TASP1: variants seen among roughly 807,000 people sequenced by gnomAD.
The protein encoded by TASP1 is threonine aspartase 1.
Under a neutral mutation model 56.6 loss-of-function variants are expected in TASP1, and 16 were observed. The ratio of observed to expected loss-of-function variants is 0.28; its 90% CI spans 0.19 to 0.43. The LOEUF is 0.43. Among genes scored for constraint, TASP1 ranks in the 20% least tolerant of loss-of-function variants. The pLI, the probability that TASP1 is intolerant of heterozygous loss-of-function variation, is 1.00. For synonymous variants in TASP1, 179 were observed against 184.2 expected, an observed-to-expected ratio of 0.97 and a Z score of 0.23; for missense variants, 393 against 511.6, an observed-to-expected ratio of 0.77 and a Z score of 2.24.
the TASP1 span, among the ~76,000 whole-genome samples, chr20:13,119,211 C>T: frequency 2.0e-5 from 3 of 152,312 alleles, no homozygotes; most frequent in South Asian, 4.1e-4. Context: ...AAATTTTTAA[C>T]GAAGCATAAC....
intron 10 of TASP1, among the ~76,000 whole-genome samples, chr20:13,492,485 A>G (rs1302393612): frequency 2.6e-5 from 4 of 152,306 alleles, no homozygotes; most frequent in African/African-American, 9.6e-5. Context: ...TTGTGAAATT[A>G]AAGAGAGAGC....
the TASP1 span, among the ~76,000 whole-genome samples, chr20:13,289,426 C>G: frequency 2.0e-5 from 3 of 152,206 alleles, no homozygotes; most frequent in African/African-American, 7.2e-5. Context: ...AGTTAACTGT[C>G]ACTTTATACT....
intron 11 of TASP1, among the ~76,000 whole-genome samples, chr20:13,451,032 T>C (rs973055809): frequency 2.0e-5 from 3 of 152,112 alleles, no homozygotes; most frequent in Non-Finnish European, 4.4e-5. Flanking sequence ...TCCTTGTACA[T>C]CTCCATCAGA....
the TASP1 span, among the ~76,000 whole-genome samples, chr20:13,337,941 C>T: frequency 6.6e-6 from 1 of 152,044 alleles, no homozygotes. Context: ...TTTAAGAAAG[C>T]ATTTGTCCTT....
At chr20:13,355,011 T>C in the TASP1 span, among the ~76,000 whole-genome samples, 2 of 152,224 alleles carry the variant, frequency 1.3e-5, no homozygotes, top group East Asian at 3.9e-4. Context: ...CATAATAATA[T>C]GAAGAGTGAC....
the TASP1 span, among the ~76,000 whole-genome samples, chr20:13,283,503 G>A: frequency 6.6e-6 from 1 of 152,100 alleles, no homozygotes; most frequent in Non-Finnish European, 1.5e-5. Flanking sequence ...AATACATGTA[G>A]GATACAATGG....
chr20:13,611,457 C>G (rs1273776858), intron 4 of TASP1, among the ~76,000 whole-genome samples: 1 of 152,118 alleles, frequency 6.6e-6, no homozygotes. Flanking sequence ...TTTGAAAAGT[C>G]TAGTTTGATT....
At chr20:13,328,912 T>C in the TASP1 span, among the ~76,000 whole-genome samples, 1 of 152,270 alleles carries the variant, frequency 6.6e-6, no homozygotes, top group African/African-American at 2.4e-5. Context: ...CATTTACCTA[T>C]GTAACAAATC....
chr20:13,392,531 A>G (rs957477630), intron 13 of TASP1: 2 of 261,506 alleles, frequency 7.6e-6, no homozygotes, highest in African/African-American at 4.5e-5. Flanking sequence ...ACAGAAGCAT[A>G]CTACTCCGGA....
At chr20:13,320,492 TA>T in the TASP1 span, among the ~76,000 whole-genome samples, 1 of 152,178 alleles carries the variant, frequency 6.6e-6, no homozygotes, top group Non-Finnish European at 1.5e-5. Flanking sequence ...GGACAGATAT[TA>T]GGTGGCTTTA....
At chr20:13,268,334 TCTC>T in the TASP1 span, among the ~76,000 whole-genome samples, 5 of 149,124 alleles carry the variant, frequency 3.4e-5, no homozygotes, top group African/African-American at 7.4e-5. Flanking sequence ...TCTTTCTCCT[TCTC>T]CTTCTTCTTC....
At chr20:13,592,265 C>T (rs952211495) in intron 4 of TASP1, among the ~76,000 whole-genome samples, 14 of 151,714 alleles carry the variant, frequency 9.2e-5, no homozygotes, top group South Asian at 4.2e-4. Flanking sequence ...GGCATGGTGG[C>T]GGGCACCTGT....
the TASP1 span, among the ~76,000 whole-genome samples, chr20:13,254,611 C>T: frequency 3.3e-5 from 5 of 152,134 alleles, no homozygotes; most frequent in African/African-American, 1.2e-4. Flanking sequence ...TTGGTACCTC[C>T]AGCACAGTCT....
chr20:13,263,158 G>A, the TASP1 span, among the ~76,000 whole-genome samples: 2 of 152,100 alleles, frequency 1.3e-5, no homozygotes, highest in Non-Finnish European at 2.9e-5. Flanking sequence ...TATAAAATAC[G>A]GCCATTGACA....
At chr20:13,307,894 T>C in the TASP1 span, among the ~76,000 whole-genome samples, 1 of 152,226 alleles carries the variant, frequency 6.6e-6, no homozygotes, top group Admixed American at 6.5e-5. Flanking sequence ...CTATGGACAG[T>C]CCAGGGTGTG....
At chr20:13,119,085 A>C in the TASP1 span, among the ~76,000 whole-genome samples, 1 of 152,322 alleles carries the variant, frequency 6.6e-6, no homozygotes, top group East Asian at 1.9e-4. Context: ...TTCCCTTCCT[A>C]GACTGTCGAA....
the TASP1 span, among the ~76,000 whole-genome samples, chr20:13,203,211 T>G: frequency 6.6e-6 from 1 of 152,352 alleles, no homozygotes; most frequent in East Asian, 1.9e-4. Context: ...TATTCTAGAT[T>G]CTTTAATAAG....
the TASP1 span, among the ~76,000 whole-genome samples, chr20:13,215,718 G>T: frequency 1.3e-5 from 2 of 152,190 alleles, no homozygotes; most frequent in Admixed American, 6.5e-5. Context: ...CTATTTGGTG[G>T]TCTCTTGCAT....
intron 11 of TASP1, among the ~76,000 whole-genome samples, chr20:13,448,575 C>T (rs1057407514): frequency 1.3e-5 from 2 of 152,030 alleles, no homozygotes; most frequent in Non-Finnish European, 2.9e-5. Flanking sequence ...CTCCAAAATT[C>T]TGGGATCATG....
Sources: gnomAD v4.1 joint callset for allele counts (sites outside exome capture counted in the v4.1 genomes callset) on GRCh38, gnomAD v4.1.1 for gene constraint, MANE v1.5 for transcripts, NCBI Gene and HGNC (gene_info 2026-07-23, HGNC 2026-07-21) for gene names.